CALN1: variants seen among roughly 807,000 people sequenced by gnomAD.
CALN1 encodes calneuron 1.
In CALN1, 17 loss-of-function variants were observed where a neutral mutation model predicts 30.6. The observed-to-expected ratio is 0.56, with a 90% CI of 0.38 to 0.83. CALN1 has a LOEUF of 0.83. CALN1 is among the 40% of genes least tolerant of loss of function. The probability of loss-of-function intolerance (pLI) is 0.00; values close to 1 mark genes in which losing one functional copy is unlikely to be tolerated. For missense variants in CALN1, 291 were observed against 354.9 expected (o/e 0.82, Z 1.45); for synonymous variants, 156 against 131.4 (o/e 1.19, Z -1.28).
chr7:72,248,144 T>C (rs1795315713), intron 3 of CALN1, among the ~76,000 whole-genome samples: 1 of 152,230 alleles, frequency 6.6e-6, no homozygotes. Flanking sequence ...GATGGAGTTT[T>C]GCTTTTGTCA....
At chr7:71,813,856 G>A (rs560041725) in intron 5 of CALN1, among the ~76,000 whole-genome samples, 11 of 151,646 alleles carry the variant, frequency 7.3e-5, no homozygotes, top group African/African-American at 2.4e-4. Flanking sequence ...GTGTGAACAC[G>A]GGAGGCGGAG....
Position 72,099,482 on chromosome 7 carries a change from A to G in CALN1, c.388+6669T>C, listed in dbSNP as rs118189881. Among the ~76,000 whole-genome samples, 1,331 of 151,728 alleles carry G rather than the reference A, an allele frequency of 8.8e-3. 6 individuals carry two copies. Among genetic ancestry groups the G allele is most frequent in the Admixed American group, 0.015 (233 of 15,252 alleles). On this transcript the variant is annotated intron_variant, in intron 4 of 6. Coordinates refer to ENST00000395275, the MANE Select transcript of CALN1 (RefSeq NM_031468.4). ...TCTTTTTTTTTTTTTTCTTAACAGAACAGCTCAAAAGGCCCCACTAAGGAC... is the reference window on the plus strand; with the variant it reads ...TCTTTTTTTTTTTTTTCTTAACAGAGCAGCTCAAAAGGCCCCACTAAGGAC...
chr7:72,477,432 G>GT, the CALN1 span, among the ~76,000 whole-genome samples: 2 of 151,786 alleles, frequency 1.3e-5, no homozygotes, highest in South Asian at 2.1e-4. Context: ...TTTAATTTTT[G>GT]TTTTTTTGTT....
chr7:72,154,841 T>C (rs561415258), intron 3 of CALN1, among the ~76,000 whole-genome samples: 1 of 151,932 alleles, frequency 6.6e-6, no homozygotes, highest in East Asian at 1.9e-4. Flanking sequence ...AGCCTAGGAG[T>C]TGGAGACCAA....
At chr7:72,098,010 G>A (rs750308917) in intron 4 of CALN1, among the ~76,000 whole-genome samples, 17 of 152,258 alleles carry the variant, frequency 1.1e-4, no homozygotes, top group South Asian at 2.1e-4. Context: ...CACCACGCCC[G>A]GCCTTTAAGT....
At chr7:71,916,008 C>T (rs1348333363) in intron 5 of CALN1, among the ~76,000 whole-genome samples, 2 of 152,172 alleles carry the variant, frequency 1.3e-5, no homozygotes, top group Non-Finnish European at 2.9e-5. Context: ...CAATAGCATT[C>T]TTCCTCCCTG....
chr7:72,141,828 C>T (rs1482843061), intron 3 of CALN1, among the ~76,000 whole-genome samples: 1 of 152,084 alleles, frequency 6.6e-6, no homozygotes, highest in Non-Finnish European at 1.5e-5. Flanking sequence ...CTTGGCCTCC[C>T]AAAGTGCTGG....
chr7:72,046,895 C>T (rs1429937227), intron 4 of CALN1, among the ~76,000 whole-genome samples: 2 of 151,780 alleles, frequency 1.3e-5, no homozygotes, highest in East Asian at 3.9e-4. Flanking sequence ...AAAACCCTGT[C>T]TCTACAAGAA....
chr7:72,311,651 A>ATTTTTTTTTTTTT lies in CALN1; in HGVS notation c.120-32854_120-32842dup, dbSNP rs56197069. ...CATGCCACCACAACGCCTGGCTGAGATTTTTTTTTTTTTTTTTTTTTTTTT... is the reference window on the plus strand; with the variant it reads ...CATGCCACCACAACGCCTGGCTGAGATTTTTTTTTTTTTTTTTTTTTTTTTTTTTTTTTTTTTT... On this transcript the variant is annotated intron_variant, in intron 2 of 6. Coordinates refer to ENST00000395275, the MANE Select transcript of CALN1 (RefSeq NM_031468.4). Among the ~76,000 whole-genome samples the ATTTTTTTTTTTTT allele has an allele frequency of 3.0e-3, 144 of 48,528 alleles. 2 individuals are homozygous for ATTTTTTTTTTTTT. Among genetic ancestry groups the ATTTTTTTTTTTTT allele is most frequent in the African/African-American group, 0.01 (132 of 12,576 alleles). The allele number at this position is 48,528 out of a possible 152,430, so 31.8% of individuals were successfully genotyped here.
At chr7:71,874,226 G>T (rs1240781023) in intron 5 of CALN1, among the ~76,000 whole-genome samples, 2 of 142,148 alleles carry the variant, frequency 1.4e-5, no homozygotes, top group Non-Finnish European at 3.0e-5. Context: ...AGTGAGCTGA[G>T]ATCTCACCAC....
chr7:71,959,238 C>A (rs1797117013), intron 5 of CALN1, among the ~76,000 whole-genome samples: 1 of 152,140 alleles, frequency 6.6e-6, no homozygotes, highest in African/African-American at 2.4e-5. Flanking sequence ...TCTTAAATGA[C>A]AAGCTAACAT....
chr7:72,132,976 C>T (rs1003592357), intron 3 of CALN1, among the ~76,000 whole-genome samples: 14 of 151,918 alleles, frequency 9.2e-5, no homozygotes, highest in African/African-American at 2.9e-4. Flanking sequence ...TACCCTATTG[C>T]GAACTACACA....
intron 4 of CALN1, among the ~76,000 whole-genome samples, chr7:72,073,412 T>C (rs1178849093): frequency 6.6e-6 from 1 of 152,196 alleles, no homozygotes; most frequent in Non-Finnish European, 1.5e-5. Flanking sequence ...TATATTATGT[T>C]TATTTTACAC....
chr7:72,275,817 A>G (rs905749127), intron 3 of CALN1, among the ~76,000 whole-genome samples: 2 of 152,226 alleles, frequency 1.3e-5, no homozygotes, highest in Non-Finnish European at 2.9e-5. Flanking sequence ...GCAAGTTTAT[A>G]TGCTTTTCTG....
intron 2 of CALN1, among the ~76,000 whole-genome samples, chr7:72,383,657 AG>A (rs1429669508): frequency 1.3e-5 from 2 of 152,132 alleles, no homozygotes; most frequent in Admixed American, 6.5e-5. Context: ...CTTACCTCTA[AG>A]GAAGTGTTCT....
Position 72,110,401 on chromosome 7 carries a change from C to T in CALN1, c.245-4107G>A, listed in dbSNP as rs868344198. Among the ~76,000 whole-genome samples the T allele has an allele frequency of 2.0e-5, 3 of 152,152 alleles. No individual in the cohort carries two copies. The East Asian group carries it at 5.8e-4, about 29-fold the overall frequency. On this transcript the variant is annotated intron_variant, in intron 3 of 6. Transcript: ENST00000395275. ...CCTCCTCTAAAGGGACCTGCTCCTTCGAAGCCTTGAATGCCTGTGGCTTAC... is the reference window on the plus strand; with the variant it reads ...CCTCCTCTAAAGGGACCTGCTCCTTTGAAGCCTTGAATGCCTGTGGCTTAC...
chr7:72,269,793 G>C (rs1796852962), intron 3 of CALN1, among the ~76,000 whole-genome samples: 1 of 152,058 alleles, frequency 6.6e-6, no homozygotes, highest in African/African-American at 2.4e-5. Context: ...ATATTCACAG[G>C]CATGCAAAGA....
chr7:72,281,504 T>G (rs1797731110), intron 2 of CALN1, among the ~76,000 whole-genome samples: 1 of 152,148 alleles, frequency 6.6e-6, no homozygotes. Flanking sequence ...TAAGTCTTCA[T>G]AAACATGGGA....
At chr7:72,206,600 T>C (rs1280908821) in intron 3 of CALN1, among the ~76,000 whole-genome samples, 2 of 152,202 alleles carry the variant, frequency 1.3e-5, no homozygotes, top group Non-Finnish European at 2.9e-5. Flanking sequence ...TTATTGTGTT[T>C]ATTCTTTTAT....
Sources: gnomAD v4.1 joint callset for allele counts (sites outside exome capture counted in the v4.1 genomes callset) on GRCh38, gnomAD v4.1.1 for gene constraint, MANE v1.5 for transcripts, NCBI Gene and HGNC (gene_info 2026-07-23, HGNC 2026-07-21) for gene names.